The following LAMA3 variants were observed in gnomAD, a reference collection of about 807,000 sequenced individuals.
LAMA3 encodes laminin subunit alpha-3.
A neutral mutation model predicts 402.0 loss-of-function variants in LAMA3; 281 were observed. The ratio of observed to expected loss-of-function variants is 0.70; its 90% confidence interval spans 0.63 to 0.77. The LOEUF (loss-of-function observed/expected upper bound fraction) is 0.77, where lower values mean the gene tolerates loss of function less well. Ranked by LOEUF, LAMA3 falls within the 30% of genes least tolerant of loss-of-function variation. The pLI is 0.00. For missense variants in LAMA3, 3,840 were observed against 4,215.5 expected, an observed-to-expected ratio of 0.91 and a Z score of 2.47; for synonymous variants, 1,431 against 1,558.4, an observed-to-expected ratio of 0.92 and a Z score of 1.93.
chr18:23,763,414 G>A lies in LAMA3; in HGVS notation c.1073G>A (p.Cys358Tyr), dbSNP rs1568158777. 6.2e-7 allele frequency: 1 copy of A among 1,610,838 alleles called. No homozygotes were observed. The highest frequency in any genetic ancestry group is 8.5e-7 in the Non-Finnish European group (1 of 1,177,128). ...TATGCTTTTTTTTCAGCATGCAACT[G>A]CCACGGCCATGCCAGCAACTGTTAC... ...EQSHECEACN[C>Y]HGHASNCYYD... The change falls in exon 8 of 75, where the codon TGC becomes TAC. Residue 358 changes from cysteine to tyrosine, a missense_variant. Physicochemically the swap from Cys to Tyr is radical, Grantham distance 194 (BLOSUM62 -2). This residue lies in a region of LAMA3 where 2,109 missense variants were observed against 2,376.0 expected (regional missense o/e 0.89). Transcript: ENST00000313654.
chr18:23,763,439 C>A lies in LAMA3; in HGVS notation c.1098C>A (p.Tyr366Ter). 6.2e-7 allele frequency: 1 copy of A among 1,613,940 alleles called. No individual in the cohort carries two copies. The highest frequency in any genetic ancestry group is 8.5e-7 in the Non-Finnish European group (1 of 1,179,896). The change falls in exon 8 of 75, where the codon TAC (tyrosine) becomes TAA (stop). Residue 366 changes from tyrosine (Y) to a stop codon, truncating the protein, a stop_gained. Coordinates refer to ENST00000313654, the MANE Select transcript of LAMA3 (RefSeq NM_198129.4). LOFTEE classifies it high-confidence loss of function. ...CNCHGHASNC[Y>*]YDPDVERQQA... is the part of the protein sequence containing the mutation. ...GCCACGGCCATGCCAGCAACTGTTA[C>A]TATGATCCAGATGTTGAGCGGCAGC... is the stretch of plus-strand genomic sequence containing the variant.
chr18:23,848,892 A>C (rs1210890014), intron 32 of LAMA3, among the ~76,000 whole-genome samples: 1 of 148,342 alleles, frequency 6.7e-6, no homozygotes, highest in East Asian at 1.9e-4. Flanking sequence ...TTCCTGGGGG[A>C]GTCCCTGGGC....
At chr18:23,856,006 T>G (rs768189656) in intron 32 of LAMA3, among the ~76,000 whole-genome samples, 3 of 152,214 alleles carry the variant, frequency 2.0e-5, no homozygotes, top group Non-Finnish European at 4.4e-5. Context: ...TACTTACGTG[T>G]GTGCAAGCAA....
rs1052627181 is a variant in LAMA3 at position 23,901,447 on chromosome 18, C to T, written c.6201+124C>T. On this transcript the variant is annotated intron_variant, in intron 48 of 74. Transcript: ENST00000313654. ...TACATCTCATTATACCACCTCAGAC[C>T]CAGATCAGACAGGAACAAAGCGTTA... The T allele has an allele frequency of 2.2e-5, 17 of 775,890 alleles. No homozygotes were observed. In the South Asian group the frequency reaches 2.5e-4, roughly 12 times the overall value. 48.1% of individuals were successfully genotyped at this position (775,890 alleles called of 1,614,324 possible).
At chr18:23,723,627 A>G (rs1568115246) in intron 2 of LAMA3, among the ~76,000 whole-genome samples, 1 of 152,112 alleles carries the variant, frequency 6.6e-6, no homozygotes, top group East Asian at 1.9e-4. Flanking sequence ...CTCACAGTGT[A>G]TGTCAGCTTG....
At chr18:23,828,467 C>G (rs1352321471) in intron 23 of LAMA3, among the ~76,000 whole-genome samples, 1 of 151,962 alleles carries the variant, frequency 6.6e-6, no homozygotes, top group African/African-American at 2.4e-5. Context: ...TTGCTGTATC[C>G]CTCCCTACAC....
chr18:23,904,900 A>G (rs961851013), intron 51 of LAMA3, among the ~76,000 whole-genome samples: 1 of 152,232 alleles, frequency 6.6e-6, no homozygotes, highest in Non-Finnish European at 1.5e-5. Flanking sequence ...TATGTGTAAA[A>G]CCAGATAGAA....
At chr18:23,824,640 A>G in intron 21 of LAMA3, 75 bp downstream of exon 21, 2 of 1,477,948 alleles carry the variant, frequency 1.4e-6, no homozygotes, top group South Asian at 1.1e-5. Context: ...CAAGACTACA[A>G]TCCACAGCGA....
At chr18:23,817,078 G>A (rs900762180) in intron 18 of LAMA3, among the ~76,000 whole-genome samples, 7 of 152,172 alleles carry the variant, frequency 4.6e-5, no homozygotes, top group African/African-American at 1.2e-4. Flanking sequence ...CCAGGGTTGC[G>A]GTGGGGGTAG....
Position 23,933,859 on chromosome 18 carries a change from T to C in LAMA3, c.8786T>C (p.Leu2929Ser), listed in dbSNP as rs1401574168. 6.8e-6 allele frequency: 11 copies of C among 1,614,184 alleles called. No homozygotes were observed. The highest frequency in any genetic ancestry group is 9.3e-6 in the Non-Finnish European group (11 of 1,179,990). Residue 2929 changes from leucine to serine, a missense_variant, in exon 67 of 75, where the codon TTA becomes TCA. Transcript: ENST00000313654. ...KRDVSLGGCS[L>S]NKPPFLMLLK... Reference sequence around the variant, plus strand: ...GATGTGTCCCTGGGAGGCTGCAGTTTAAACAAACCACCTTTTCTAATGTTG... The same window carrying C: ...GATGTGTCCCTGGGAGGCTGCAGTTCAAACAAACCACCTTTTCTAATGTTG...
At chr18:23,846,073 G>A (rs1016638099) in intron 30 of LAMA3, among the ~76,000 whole-genome samples, 4 of 152,046 alleles carry the variant, frequency 2.6e-5, no homozygotes, top group South Asian at 2.1e-4. Flanking sequence ...CAAGGTTCCC[G>A]CTGACCTGTT....
At chr18:23,934,028 C>G (rs1358457480) in intron 67 of LAMA3, 93 bp downstream of exon 67, 1 of 1,196,238 alleles carries the variant, frequency 8.4e-7, no homozygotes, top group Non-Finnish European at 1.2e-6. Context: ...GGGGTGAGAG[C>G]TCACCAGTCC....
chr18:23,733,115 G>C (rs1420442409), intron 2 of LAMA3, among the ~76,000 whole-genome samples: 2 of 152,036 alleles, frequency 1.3e-5, no homozygotes, highest in East Asian at 1.9e-4. Flanking sequence ...AGGAGGCCTA[G>C]GTTTCTAGTT....
At chr18:23,872,037 T>A (rs1467383955) in intron 38 of LAMA3, among the ~76,000 whole-genome samples, 1 of 152,230 alleles carries the variant, frequency 6.6e-6, no homozygotes, top group African/African-American at 2.4e-5. Flanking sequence ...CACTAAACGT[T>A]GTATGTGTCA....
intron 60 of LAMA3, 125 bp from the exon 61 acceptor site, chr18:23,920,810 C>T: frequency 9.0e-7 from 1 of 1,109,386 alleles, no homozygotes; most frequent in South Asian, 1.2e-5. Context: ...GCACCATTAT[C>T]CCTTTTCACT....
intron 2 of LAMA3, among the ~76,000 whole-genome samples, chr18:23,741,619 C>T (rs2061564965): frequency 1.3e-5 from 2 of 151,926 alleles, no homozygotes; most frequent in South Asian, 2.1e-4. Flanking sequence ...TATTTTGTAC[C>T]TGGGTAGTAG....
At chr18:23,828,928 A>G (rs1020829439) in intron 23 of LAMA3, among the ~76,000 whole-genome samples, 4 of 152,098 alleles carry the variant, frequency 2.6e-5, no homozygotes, top group African/African-American at 9.7e-5. Flanking sequence ...TTACTTCTTC[A>G]TTTAGCTTTT....
At chr18:23,785,781 A>G (rs369971132) in intron 12 of LAMA3, among the ~76,000 whole-genome samples, 1 of 152,006 alleles carries the variant, frequency 6.6e-6, no homozygotes, top group Admixed American at 6.6e-5. Context: ...CCTCCTCTCT[A>G]CCAGCCACAA....
chr18:23,861,621 C>A (rs777154254), intron 34 of LAMA3, 25 bp from the exon 35 acceptor site: 1 of 1,614,058 alleles, frequency 6.2e-7, no homozygotes, highest in African/African-American at 1.3e-5. Flanking sequence ...ACGTTTCCAT[C>A]CCTTGCTTCT....
Sources: gnomAD v4.1 joint callset for allele counts (sites outside exome capture counted in the v4.1 genomes callset) on GRCh38, gnomAD v4.1.1 for gene constraint, gnomAD v4.1.1 regional missense constraint, MANE v1.5 for transcripts, NCBI Gene and HGNC (gene_info 2026-07-23, HGNC 2026-07-21) for gene names.